Variants in MBNL2 observed in about 807,000 individuals in gnomAD.
MBNL2 encodes muscleblind-like protein 2.
MBNL2 carries 17 observed loss-of-function variants against 41.9 expected under a neutral mutation model. The ratio of observed to expected loss-of-function variants is 0.41; its 90% CI spans 0.28 to 0.61. The LOEUF is 0.61. Among genes scored for constraint, MBNL2 ranks in the 20% least tolerant of loss-of-function variants. The pLI is 0.35. For missense variants in MBNL2, 336 were observed against 505.6 expected, an observed-to-expected ratio of 0.66 and a Z score of 3.22; for synonymous variants, 195 against 182.9, an observed-to-expected ratio of 1.07 and a Z score of -0.53.
At chr13:97,386,515 G>A (rs1264488544) in intron 8 of MBNL2, among the ~76,000 whole-genome samples, 2 of 152,140 alleles carry the variant, frequency 1.3e-5, no homozygotes. Context: ...TTTCCTGCCT[G>A]GCCCCAGGAG....
At chr13:97,329,398 G>A (rs372524949) in intron 2 of MBNL2, among the ~76,000 whole-genome samples, 3 of 152,206 alleles carry the variant, frequency 2.0e-5, no homozygotes, top group African/African-American at 7.2e-5. Context: ...ATCTGATCTT[G>A]TTATTCTCCT....
intron 3 of MBNL2, among the ~76,000 whole-genome samples, chr13:97,340,791 C>T (rs1348387379): frequency 6.6e-6 from 1 of 152,112 alleles, no homozygotes; most frequent in East Asian, 1.9e-4. Context: ...ATAAAACATA[C>T]TGGGACATTG....
chr13:97,248,414 C>A (rs201915395), intron 1 of MBNL2, among the ~76,000 whole-genome samples: 1 of 152,218 alleles, frequency 6.6e-6, no homozygotes, highest in Non-Finnish European at 1.5e-5. Flanking sequence ...GGATTACTGG[C>A]GTGAGCCACC....
At chr13:97,221,393 T>C (rs1594050365), upstream of MBNL2, 1 of 151,464 alleles carries the variant, frequency 6.6e-6, no homozygotes, top group Non-Finnish European at 1.5e-5. Context: ...AATAAATAAA[T>C]AAATAACCCT....
At chr13:97,239,262 A>T (rs1330109127) in intron 1 of MBNL2, among the ~76,000 whole-genome samples, 1 of 152,230 alleles carries the variant, frequency 6.6e-6, no homozygotes, top group South Asian at 2.1e-4. Flanking sequence ...TCTCCTAAAT[A>T]ACAACCTGCC....
At chr13:97,264,179 C>T (rs2049258908) in intron 1 of MBNL2, among the ~76,000 whole-genome samples, 2 of 151,832 alleles carry the variant, frequency 1.3e-5, no homozygotes, top group South Asian at 2.1e-4. Context: ...AGGTTCCCGC[C>T]ACCACGCCCA....
intron 2 of MBNL2, among the ~76,000 whole-genome samples, chr13:97,320,064 C>T (rs1257614194): frequency 6.6e-6 from 1 of 152,094 alleles, no homozygotes; most frequent in Non-Finnish European, 1.5e-5. Context: ...CTGGTGTAAC[C>T]GCCAATCTCA....
intron 7 of MBNL2, among the ~76,000 whole-genome samples, chr13:97,359,141 T>C (rs2063206792): frequency 6.6e-6 from 1 of 152,196 alleles, no homozygotes; most frequent in African/African-American, 2.4e-5. Flanking sequence ...CATAGCAGTG[T>C]CTTAATATGT....
At chr13:97,376,002 A>G (rs529517383) in intron 8 of MBNL2, among the ~76,000 whole-genome samples, 13 of 152,134 alleles carry the variant, frequency 8.5e-5, no homozygotes, top group Non-Finnish European at 1.9e-4. Flanking sequence ...CTTAAAGTGC[A>G]GGATGAGAAC....
the MBNL2 span, among the ~76,000 whole-genome samples, chr13:97,186,162 G>A: frequency 6.6e-5 from 10 of 152,276 alleles, no homozygotes; most frequent in South Asian, 4.1e-4. Context: ...GTGAGACGAC[G>A]GTTTCCAGAT....
Position 97,226,993 on chromosome 13 carries a change from ACT to A in MBNL2, c.-605+4465_-605+4466del, listed in dbSNP as rs1426525822. 5.4e-5 allele frequency among the ~76,000 whole-genome samples: 8 copies of A among 149,022 alleles called. No homozygotes were observed. In the East Asian group the frequency reaches 1.2e-3, roughly 22 times the overall value. ...CTCTAGCAAGGAAACCTGTTTCCTGACTCTGCAGAATTTCGCTTTCCCCCTTT... is the reference window on the plus strand; with the variant it reads ...CTCTAGCAAGGAAACCTGTTTCCTGACTGCAGAATTTCGCTTTCCCCCTTT... On this transcript the variant is annotated intron_variant, in intron 1 of 8. Transcript: ENST00000679496.
chr13:97,296,279 TACA>T (rs1282668818), intron 2 of MBNL2, among the ~76,000 whole-genome samples: 4 of 152,324 alleles, frequency 2.6e-5, no homozygotes, highest in East Asian at 3.9e-4. Flanking sequence ...AAGACATTTG[TACA>T]ACAATATAAT....
At chr13:97,361,800 C>T (rs935475116) in intron 7 of MBNL2, among the ~76,000 whole-genome samples, 11 of 124,422 alleles carry the variant, frequency 8.8e-5, no homozygotes, top group Admixed American at 3.9e-4. Flanking sequence ...GACAGAGTCT[C>T]GCTCTGTCAC....
At chr13:97,145,180 T>C in the MBNL2 span, among the ~76,000 whole-genome samples, 7 of 152,172 alleles carry the variant, frequency 4.6e-5, no homozygotes, top group Non-Finnish European at 1.0e-4. Flanking sequence ...ATGAGCAACC[T>C]GTGACGGGCC....
chr13:97,328,277 C>G (rs2060083312), intron 2 of MBNL2, among the ~76,000 whole-genome samples: 1 of 150,356 alleles, frequency 6.7e-6, no homozygotes, highest in Non-Finnish European at 1.5e-5. Context: ...GTCTTGACCT[C>G]GGGATTTCAC....
Position 97,276,396 on chromosome 13 carries a change from T to C in MBNL2, c.161T>C (p.Phe54Ser). 1 of 1,614,060 alleles carries C rather than the reference T, an allele frequency of 6.2e-7. No homozygotes were observed. The highest frequency in any genetic ancestry group is 8.5e-7 in the Non-Finnish European group (1 of 1,179,920). Residue 54 changes from phenylalanine to serine, a missense_variant, in exon 2 of 9, where the codon TTT becomes TCT. By Grantham distance (155) the Phe-to-Ser change is radical (BLOSUM62 -2). Coordinates refer to ENST00000679496, the MANE Select transcript of MBNL2 (RefSeq NM_001382683.1). ...GAAAATGGAAGAGTAATTGCCTGCTTTGATTCCCTAAAGGTAAGAGAATGC... is the reference window on the plus strand; with the variant it reads ...GAAAATGGAAGAGTAATTGCCTGCTCTGATTCCCTAAAGGTAAGAGAATGC... The part of the protein sequence containing the change: ...QVENGRVIAC[F>S]DSLKGRCSRE...
the MBNL2 span, among the ~76,000 whole-genome samples, chr13:97,161,812 C>G: frequency 3.3e-5 from 5 of 152,170 alleles, no homozygotes; most frequent in Non-Finnish European, 7.3e-5. Flanking sequence ...AGAACTGGTA[C>G]ACACACTTGC....
At chr13:97,165,087 C>A in the MBNL2 span, among the ~76,000 whole-genome samples, 243 of 152,132 alleles carry the variant, frequency 1.6e-3, 1 homozygote, top group African/African-American at 5.3e-3. Flanking sequence ...ACCTGTAATC[C>A]CAGCTACTCA....
chr13:97,382,835 A>T (rs2065596235), intron 8 of MBNL2, among the ~76,000 whole-genome samples: 1 of 151,814 alleles, frequency 6.6e-6, no homozygotes, highest in South Asian at 2.1e-4. Flanking sequence ...ATTTTTTTGT[A>T]GAGACAGGGT....
Sources: gnomAD v4.1 joint callset for allele counts (sites outside exome capture counted in the v4.1 genomes callset) on GRCh38, gnomAD v4.1.1 for gene constraint, MANE v1.5 for transcripts, NCBI Gene and HGNC (gene_info 2026-07-23, HGNC 2026-07-21) for gene names.